Variants in C8orf34 observed in about 807,000 individuals in gnomAD.
The protein encoded by C8orf34 is chromosome 8 open reading frame 34.
In C8orf34, 65 loss-of-function variants were observed where a neutral mutation model predicts 68.3. The ratio of observed to expected loss-of-function variants is 0.95; its 90% CI spans 0.78 to 1.17. The LOEUF is 1.17. Among genes scored for constraint, C8orf34 ranks in the 50% most tolerant of loss-of-function variants. The probability of loss-of-function intolerance (pLI) is 0.00; values close to 1 mark genes in which losing one functional copy is unlikely to be tolerated. For synonymous variants in C8orf34, 244 were observed against 241.2 expected (o/e 1.01, Z -0.11); for missense variants, 664 against 655.4 (o/e 1.01, Z -0.14).
At chr8:68,634,241 A>C (rs1266260765) in intron 7 of C8orf34, among the ~76,000 whole-genome samples, 3 of 152,138 alleles carry the variant, frequency 2.0e-5, no homozygotes, top group African/African-American at 7.2e-5. Context: ...TTGGAATTTC[A>C]TTTTTTGTGT....
chr8:68,683,521 C>T (rs1050230022), intron 8 of C8orf34, among the ~76,000 whole-genome samples: 3 of 151,876 alleles, frequency 2.0e-5, no homozygotes, highest in African/African-American at 7.3e-5. Flanking sequence ...TTGCTTTACT[C>T]CTCTTGATTC....
At chr8:68,396,588 T>C (rs1030980787) in intron 1 of C8orf34, among the ~76,000 whole-genome samples, 1 of 151,504 alleles carries the variant, frequency 6.6e-6, no homozygotes, top group South Asian at 2.1e-4. Context: ...ACCCCCAATA[T>C]TGGAGGTGGA....
At chr8:68,701,696 AGTCC>A (rs1340138760) in intron 8 of C8orf34, among the ~76,000 whole-genome samples, 1 of 152,034 alleles carries the variant, frequency 6.6e-6, no homozygotes, top group Non-Finnish European at 1.5e-5. Flanking sequence ...TTAAAGCAAA[AGTCC>A]CATCATGTCA....
At chr8:68,345,739 A>G (rs1806254649) in intron 1 of C8orf34, among the ~76,000 whole-genome samples, 1 of 151,918 alleles carries the variant, frequency 6.6e-6, no homozygotes. Context: ...ATATATACAT[A>G]TAAGTGGGTA....
At position 68,474,364 on chromosome 8, in the gene C8orf34, TA is replaced by T. The variant is rs538718932; in HGVS notation, c.736+5546del. Among the ~76,000 whole-genome samples the T allele has an allele frequency of 3.7e-4, 56 of 152,350 alleles. 1 individual carries two copies. The South Asian group carries it at 9.9e-3, about 27-fold the overall frequency. On this transcript the variant is annotated intron_variant, in intron 4 of 13. Coordinates refer to ENST00000518698, the MANE Select transcript of C8orf34 (RefSeq NM_052958.4). ...ATTCCTCTTTCTTCCTTATTGTTCA[TA>T]ACTGATTAGTTATCAAATCTTGCTA...
At chr8:68,617,905 G>A (rs998332421) in intron 7 of C8orf34, among the ~76,000 whole-genome samples, 16 of 151,994 alleles carry the variant, frequency 1.1e-4, no homozygotes, top group South Asian at 2.1e-4. Flanking sequence ...CATTCTCCCC[G>A]TCACTTTCAG....
chr8:68,571,351 A>T (rs757464907), intron 7 of C8orf34, among the ~76,000 whole-genome samples: 2 of 152,198 alleles, frequency 1.3e-5, no homozygotes, highest in Non-Finnish European at 2.9e-5. Flanking sequence ...GAAATTACCC[A>T]TTGAGAACTT....
At chr8:68,550,576 T>C (rs1455587443) in intron 7 of C8orf34, among the ~76,000 whole-genome samples, 1 of 151,902 alleles carries the variant, frequency 6.6e-6, no homozygotes, top group Non-Finnish European at 1.5e-5. Context: ...ATTTTTTCTT[T>C]ATACAGATCC....
chr8:68,749,782 T>C (rs1361646132), intron 10 of C8orf34, among the ~76,000 whole-genome samples: 3 of 152,220 alleles, frequency 2.0e-5, no homozygotes, highest in African/African-American at 7.2e-5. Flanking sequence ...AGTATGACCA[T>C]GTTACATAGG....
At chr8:68,654,200 A>G (rs1428829363) in intron 8 of C8orf34, among the ~76,000 whole-genome samples, 2 of 152,114 alleles carry the variant, frequency 1.3e-5, no homozygotes, top group African/African-American at 2.4e-5. Context: ...GGCACTCTCT[A>G]TAAGGAACAG....
At chr8:68,510,966 G>A (rs1286653125) in intron 5 of C8orf34, among the ~76,000 whole-genome samples, 1 of 152,184 alleles carries the variant, frequency 6.6e-6, no homozygotes, top group Non-Finnish European at 1.5e-5. Flanking sequence ...CTGCATAGAT[G>A]AGGGTATGAG....
At chr8:68,708,731 C>T (rs555941263) in intron 8 of C8orf34, among the ~76,000 whole-genome samples, 20 of 152,132 alleles carry the variant, frequency 1.3e-4, no homozygotes, top group Admixed American at 2.6e-4. Context: ...AACCTTTCTA[C>T]GGTCAGTCTG....
In C8orf34 at chr8:68,755,347, A is replaced by C. The variant is rs528135292; in HGVS notation, c.1405-21052A>C. 6.6e-5 allele frequency among the ~76,000 whole-genome samples: 10 copies of C among 152,346 alleles called. No homozygotes were observed. In the South Asian group the frequency reaches 1.0e-3, roughly 16 times the overall value. ...GGACTCCAACAGAAGAAACTGGCAT[A>C]ATGGCAGTTTCAGTAATAATAGTAA... On this transcript the variant is annotated intron_variant, in intron 10 of 13. Coordinates refer to ENST00000518698, the MANE Select transcript of C8orf34 (RefSeq NM_052958.4).
chr8:68,648,553 A>T (rs992691032), intron 8 of C8orf34, among the ~76,000 whole-genome samples: 1 of 152,206 alleles, frequency 6.6e-6, no homozygotes, highest in African/African-American at 2.4e-5. Flanking sequence ...GACTCATGCC[A>T]GGGCATTCCG....
intron 4 of C8orf34, among the ~76,000 whole-genome samples, chr8:68,480,261 G>A (rs988394468): frequency 6.6e-6 from 1 of 152,082 alleles, no homozygotes; most frequent in Non-Finnish European, 1.5e-5. Context: ...TCTGCTTTTG[G>A]TTCTTCCTCA....
chr8:68,738,162 A>C (rs1822176361), intron 10 of C8orf34, among the ~76,000 whole-genome samples: 1 of 152,134 alleles, frequency 6.6e-6, no homozygotes, highest in Non-Finnish European at 1.5e-5. Context: ...AAAACAGTAC[A>C]ATTACTTGGA....
chr8:68,445,299 C>G (rs1183036386), intron 2 of C8orf34, among the ~76,000 whole-genome samples: 1 of 151,974 alleles, frequency 6.6e-6, no homozygotes, highest in African/African-American at 2.4e-5. Context: ...ATCCATAAAG[C>G]TAGGGTGGTT....
At chr8:68,551,788 C>G (rs1816080878) in intron 7 of C8orf34, among the ~76,000 whole-genome samples, 1 of 152,080 alleles carries the variant, frequency 6.6e-6, no homozygotes, top group Non-Finnish European at 1.5e-5. Flanking sequence ...CCCTCTGCCC[C>G]ACCTTAGCTA....
chr8:68,472,364 G>A (rs1001079678), intron 4 of C8orf34, among the ~76,000 whole-genome samples: 8 of 152,098 alleles, frequency 5.3e-5, no homozygotes, highest in East Asian at 1.9e-4. Flanking sequence ...TTGAGGCCAT[G>A]ATGGAGTAGC....
Sources: gnomAD v4.1 joint callset for allele counts (sites outside exome capture counted in the v4.1 genomes callset) on GRCh38, gnomAD v4.1.1 for gene constraint, MANE v1.5 for transcripts, NCBI Gene and HGNC (gene_info 2026-07-23, HGNC 2026-07-21) for gene names.